CNTN2: variants seen among roughly 807,000 people sequenced by gnomAD.
CNTN2 encodes contactin-2.
CNTN2 carries 53 observed loss-of-function variants against 117.5 expected under a neutral mutation model. The observed-to-expected ratio is 0.45, with a 90% CI of 0.36 to 0.57. CNTN2 has a LOEUF of 0.57. Among genes scored for constraint, CNTN2 ranks in the 20% least tolerant of loss-of-function variants. CNTN2 has a pLI of 0.00. For synonymous variants in CNTN2, 530 were observed against 561.7 expected (o/e 0.94, Z 0.80); for missense variants, 1,106 against 1,404.3 (o/e 0.79, Z 3.39).
rs747629348 is a variant in CNTN2 at position 205,073,729 on chromosome 1, G to C, written c.3087G>C (p.Val1029=). The change falls in exon 23 of 23, where the codon GTG becomes GTC. Residue 1029 remains valine (V), a synonymous_variant. Coordinates refer to ENST00000331830, the MANE Select transcript of CNTN2 (RefSeq NM_005076.5). This position sits in a 1 kb window ranked among gnomAD's most constrained non-coding sequence, Gnocchi z 6.3. ...PHPGTVISHS[V]AMLILIGSLE... ...CTGGCACCGTCATTTCCCACTCCGT[G>C]GCGATGCTGATCCTCATAGGCTCCC... is the stretch of plus-strand genomic sequence containing the variant. 1.2e-6 allele frequency: 2 copies of C among 1,614,022 alleles called. No individual in the cohort carries two copies. Among genetic ancestry groups the C allele is most frequent in the Admixed American group, 3.3e-5 (2 of 60,026 alleles).
chr1:205,045,228 C>A (rs1326446515), intron 1 of CNTN2, among the ~76,000 whole-genome samples: 1 of 152,180 alleles, frequency 6.6e-6, no homozygotes, highest in Admixed American at 6.5e-5. Context: ...TTCCTCTACT[C>A]CTTCTTTCCT....
intron 1 of CNTN2, among the ~76,000 whole-genome samples, chr1:205,047,721 G>A (rs193291032): frequency 3.1e-4 from 47 of 152,266 alleles, no homozygotes; most frequent in Middle Eastern, 3.4e-3. Context: ...CCGCCTGGAC[G>A]TTGTGACTGT....
At chr1:205,057,587 T>C (rs1217757152) in intron 2 of CNTN2, 1 of 194,590 alleles carries the variant, frequency 5.1e-6, no homozygotes, top group Non-Finnish European at 1.0e-5. Flanking sequence ...AGCCAGTCTC[T>C]AGCCCAGTGC....
At chr1:205,062,129 T>C (rs1654021953) in intron 9 of CNTN2, 128 bp downstream of exon 9, 1 of 1,226,362 alleles carries the variant, frequency 8.2e-7, no homozygotes, top group African/African-American at 1.5e-5. Context: ...CAGAGGGTGG[T>C]CCTAGGACCA....
At position 205,049,281 on chromosome 1, in the gene CNTN2, G is replaced by GACACACACAC. The variant is rs3835569; in HGVS notation, c.-86-3783_-86-3774dup. ...GGCAAGGGGCTGAGTCCTCACACCC[G>GACACACACAC]ACACACACACACACACACACACACA... On this transcript the variant is annotated intron_variant, in intron 1 of 22. Coordinates refer to ENST00000331830, the MANE Select transcript of CNTN2 (RefSeq NM_005076.5). Among the ~76,000 whole-genome samples, 90 of 120,730 alleles carry GACACACACAC rather than the reference G, an allele frequency of 7.5e-4. 1 individual carries two copies. The highest frequency in any genetic ancestry group is 2.4e-3 in the African/African-American group (79 of 33,398). The allele number at this position is 120,730 out of a possible 152,430, so 79.2% of individuals were successfully genotyped here.
chr1:205,073,039 A>T lies in CNTN2; in HGVS notation c.2845-29A>T. 6.2e-7 allele frequency: 1 copy of T among 1,612,710 alleles called. No individual in the cohort carries two copies. The highest frequency in any genetic ancestry group is 8.5e-7 in the Non-Finnish European group (1 of 1,179,306). ...TCAACGATCAGCCCTGGTGTCAGGA[A>T]ACTCCACCTGGAAACCTCCTTCCCA... is the stretch of plus-strand genomic sequence containing the variant. On this transcript the variant is annotated intron_variant, in intron 21 of 22. Coordinates refer to ENST00000331830, the MANE Select transcript of CNTN2 (RefSeq NM_005076.5). This position sits in a 1 kb window ranked among gnomAD's most constrained non-coding sequence, Gnocchi z 6.3.
At chr1:205,064,536 C>T in intron 11 of CNTN2, 64 bp downstream of exon 11, 6 of 1,595,404 alleles carry the variant, frequency 3.8e-6, no homozygotes, top group Non-Finnish European at 5.1e-6. Context: ...AGGCCAATTC[C>T]CCTCCTGTGA....
At position 205,058,150 on chromosome 1, in the gene CNTN2, A is replaced by G. The variant is rs781397255; in HGVS notation, c.216-31A>G. 2 of 1,594,140 alleles carry G rather than the reference A, an allele frequency of 1.3e-6. No homozygotes were observed. The highest frequency in any genetic ancestry group is 1.7e-6 in the Non-Finnish European group (2 of 1,169,974). On this transcript the variant is annotated intron_variant, in intron 3 of 22. Transcript: ENST00000331830. The surrounding 1 kb of genome is among the most constrained non-coding windows in gnomAD (Gnocchi z 4.3). ...TCAGCCCTGCCACCAGGCAGGACTC[A>G]GAGGTCCCCTTCCTCTGTCCCCTGC...
In CNTN2 at chr1:205,058,508, G is replaced by A. The variant is rs761641756; in HGVS notation, c.392-60G>A. The A allele has an allele frequency of 1.3e-5, 20 of 1,586,000 alleles. No individual in the cohort carries two copies. The highest frequency in any genetic ancestry group is 4.4e-5 in the South Asian group (4 of 90,044). Reference sequence around the variant, plus strand: ...ACTGCTGCTTCTCCGTGAAGGATGAGTCGGGGAGGGGCTCGCAGGCCAGGA... The same window carrying A: ...ACTGCTGCTTCTCCGTGAAGGATGAATCGGGGAGGGGCTCGCAGGCCAGGA... On this transcript the variant is annotated intron_variant, in intron 4 of 22. Transcript: ENST00000331830. The surrounding 1 kb of genome is among the most constrained non-coding windows in gnomAD (Gnocchi z 4.3).
chr1:205,048,074 C>T lies in CNTN2; in HGVS notation c.-87+4680C>T, dbSNP rs572248282. Among the ~76,000 whole-genome samples, 1 of 152,300 alleles carries T rather than the reference C, an allele frequency of 6.6e-6. No homozygotes were observed. The highest frequency in any genetic ancestry group is 2.4e-5 in the African/African-American group (1 of 41,554). On this transcript the variant is annotated intron_variant, in intron 1 of 22. Transcript: ENST00000331830. The surrounding 1 kb of genome is among the most constrained non-coding windows in gnomAD (Gnocchi z 4.1). ...TCAAGCGGGGGCCTGAAGGGCTCCT[C>T]AAGTACTTTGTAGGCTGATAATAAA...
intron 16 of CNTN2, 127 bp from the exon 17 acceptor site, chr1:205,069,363 TG>T (rs1037460032): frequency 1.5e-5 from 12 of 799,410 alleles, no homozygotes; most frequent in African/African-American, 1.0e-4. Context: ...GAGGGACCAC[TG>T]GGGGGCAAAC....
intron 2 of CNTN2, among the ~76,000 whole-genome samples, chr1:205,054,922 C>G (rs956042090): frequency 1.3e-5 from 2 of 152,136 alleles, no homozygotes; most frequent in African/African-American, 4.8e-5. Context: ...GACAGGGCAT[C>G]AGAAAAGAAT....
intron 7 of CNTN2, chr1:205,060,418 A>AG (rs1241216870): frequency 6.6e-6 from 1 of 152,174 alleles, no homozygotes; most frequent in Non-Finnish European, 1.5e-5. Context: ...CCACATGAAA[A>AG]GCATGTGGAA....
At position 205,069,603 on chromosome 1, in the gene CNTN2, C is replaced by A. The variant is rs2305275; in HGVS notation, c.2196+42C>A. The A allele has an allele frequency of 7.1e-5, 113 of 1,593,814 alleles. 1 individual carries two copies. Among genetic ancestry groups the A allele is most frequent in the East Asian group, 6.0e-4 (27 of 44,640 alleles). ...AGATGTCCTCCTCCTCCTCCCTGAC[C>A]CCTCTCCCGCTTGAGCAGCTGCAGA... On this transcript the variant is annotated intron_variant, in intron 17 of 22. Transcript: ENST00000331830.
intron 14 of CNTN2, 170 bp from the exon 15 acceptor site, chr1:205,066,271 C>T (rs1011251813): frequency 9.9e-5 from 73 of 736,466 alleles, no homozygotes; most frequent in African/African-American, 1.4e-4. Flanking sequence ...AACTGGCACC[C>T]GCCCCAACTG....
intron 1 of CNTN2, among the ~76,000 whole-genome samples, chr1:205,043,911 G>A (rs1252042772): frequency 3.9e-5 from 6 of 152,234 alleles, no homozygotes; most frequent in Non-Finnish European, 7.3e-5. Flanking sequence ...GGAGAGGGGG[G>A]CTGTGGAAGA....
intron 16 of CNTN2, chr1:205,068,758 C>A (rs535333452): frequency 6.6e-6 from 1 of 152,306 alleles, no homozygotes; most frequent in East Asian, 1.9e-4. Flanking sequence ...TGTTTAAGTA[C>A]CTCTTGCAAA....
intron 18 of CNTN2, 60 bp from the exon 19 acceptor site, chr1:205,070,366 C>A: frequency 8.3e-7 from 1 of 1,210,764 alleles, no homozygotes; most frequent in Non-Finnish European, 1.2e-6. Context: ...TGGTTGGGGG[C>A]TGCTCTGCAG....
intron 1 of CNTN2, among the ~76,000 whole-genome samples, chr1:205,050,543 A>G (rs996928383): frequency 1.3e-5 from 2 of 152,202 alleles, no homozygotes; most frequent in Non-Finnish European, 2.9e-5. Flanking sequence ...ACATTACATG[A>G]GATATTTAAC....
Sources: gnomAD v4.1 joint callset for allele counts (sites outside exome capture counted in the v4.1 genomes callset) on GRCh38, gnomAD v4.1.1 for gene constraint, Gnocchi (gnomAD v3.1) non-coding constraint, MANE v1.5 for transcripts, NCBI Gene and HGNC (gene_info 2026-07-23, HGNC 2026-07-21) for gene names.